Variants in PRKCE observed in about 807,000 individuals in gnomAD.
The protein encoded by PRKCE is protein kinase C epsilon type.
In PRKCE, 16 loss-of-function variants were observed where a neutral mutation model predicts 85.4. The ratio of observed to expected loss-of-function variants is 0.19; its 90% confidence interval spans 0.13 to 0.28. PRKCE has a LOEUF of 0.28. PRKCE is among the 10% of genes least tolerant of loss of function. The pLI is 1.00. For synonymous variants in PRKCE, 388 were observed against 371.5 expected (o/e 1.04, Z -0.51); for missense variants, 573 against 975.2 (o/e 0.59, Z 5.49).
chr2:46,153,996 A>G (rs1676932738), intron 13 of PRKCE, among the ~76,000 whole-genome samples: 1 of 152,008 alleles, frequency 6.6e-6, no homozygotes, highest in Non-Finnish European at 1.5e-5. Flanking sequence ...CGTGTTAGCC[A>G]GGATGGTCTC....
At chr2:46,036,074 G>A (rs977647757) in intron 10 of PRKCE, among the ~76,000 whole-genome samples, 1 of 152,204 alleles carries the variant, frequency 6.6e-6, no homozygotes, top group Admixed American at 6.5e-5. Context: ...TGAAAGAAGT[G>A]GAGGAGCCGG....
chr2:46,041,798 C>T lies in PRKCE; in HGVS notation c.1437+31281C>T, dbSNP rs1388979296. ...ATTCTTTAAGCTGGAGGAATTTGCC[C>T]TAAAACTGTTCTGCACGGCCAACAA... On this transcript the variant is annotated intron_variant, in intron 10 of 14. Transcript: ENST00000306156. This position sits in a 1 kb window ranked among gnomAD's most constrained non-coding sequence, Gnocchi z 5.5. Among the ~76,000 whole-genome samples, 1 of 152,182 alleles carries T rather than the reference C, an allele frequency of 6.6e-6. No individual in the cohort carries two copies. The highest frequency in any genetic ancestry group is 1.5e-5 in the Non-Finnish European group (1 of 68,024).
chr2:45,716,089 C>T (rs1281584549), intron 1 of PRKCE, among the ~76,000 whole-genome samples: 1 of 152,230 alleles, frequency 6.6e-6, no homozygotes, highest in Non-Finnish European at 1.5e-5. Context: ...TGTCTTTCTG[C>T]ACTCGTGTGT....
At chr2:45,717,702 C>T (rs1369153682) in intron 1 of PRKCE, among the ~76,000 whole-genome samples, 2 of 152,328 alleles carry the variant, frequency 1.3e-5, no homozygotes, top group Admixed American at 6.5e-5. Flanking sequence ...ACTTTTTCTT[C>T]TGCCCCTGTT....
chr2:46,048,928 T>C (rs1245217389), intron 10 of PRKCE, among the ~76,000 whole-genome samples: 1 of 152,164 alleles, frequency 6.6e-6, no homozygotes, highest in African/African-American at 2.4e-5. Context: ...CAGTCATGTG[T>C]TGTAATAGTT....
chr2:45,859,683 T>C (rs1692985899), intron 2 of PRKCE, among the ~76,000 whole-genome samples: 1 of 152,254 alleles, frequency 6.6e-6, no homozygotes, highest in African/African-American at 2.4e-5. Flanking sequence ...CAGTCATGTA[T>C]TGCAATATCT....
chr2:45,702,627 A>G lies in PRKCE; in HGVS notation c.348+50179A>G, dbSNP rs1372639979. Among the ~76,000 whole-genome samples the G allele has an allele frequency of 4.6e-5, 7 of 152,292 alleles. 1 individual carries two copies. Among genetic ancestry groups the G allele is most frequent in the African/African-American group, 1.7e-4 (7 of 41,548 alleles). Reference sequence around the variant, plus strand: ...ATTTGTTGAATAACTATTGATTGAGATTTAGTCACTGTTTTACCATAGTGA... The same window carrying G: ...ATTTGTTGAATAACTATTGATTGAGGTTTAGTCACTGTTTTACCATAGTGA... On this transcript the variant is annotated intron_variant, in intron 1 of 14. Transcript: ENST00000306156.
intron 11 of PRKCE, among the ~76,000 whole-genome samples, chr2:46,135,107 T>C (rs903274770): frequency 6.6e-6 from 1 of 152,152 alleles, no homozygotes; most frequent in African/African-American, 2.4e-5. Flanking sequence ...AACCGAGATG[T>C]TGTTTGACAC....
chr2:45,890,991 G>C (rs1341259830), intron 2 of PRKCE, among the ~76,000 whole-genome samples: 1 of 152,214 alleles, frequency 6.6e-6, no homozygotes, highest in Non-Finnish European at 1.5e-5. Context: ...CGCTTGCTTT[G>C]TCTGCTCAGC....
intron 2 of PRKCE, among the ~76,000 whole-genome samples, chr2:45,876,534 C>T (rs985198345): frequency 6.6e-6 from 1 of 152,196 alleles, no homozygotes; most frequent in Admixed American, 6.5e-5. Flanking sequence ...GGGGGTAAAT[C>T]CCACTTTTTA....
chr2:46,109,315 C>T (rs747557854), intron 11 of PRKCE, among the ~76,000 whole-genome samples: 29 of 152,106 alleles, frequency 1.9e-4, no homozygotes, highest in Admixed American at 1.1e-3. Flanking sequence ...ATTGAAGCTT[C>T]TAATCCATGA....
intron 2 of PRKCE, among the ~76,000 whole-genome samples, chr2:45,898,855 G>A (rs1358605016): frequency 6.6e-6 from 1 of 152,224 alleles, no homozygotes; most frequent in Non-Finnish European, 1.5e-5. Context: ...AGGGACTTCT[G>A]TGAAGGACCC....
intron 2 of PRKCE, among the ~76,000 whole-genome samples, chr2:45,948,765 G>A (rs1700412478): frequency 6.6e-6 from 1 of 152,124 alleles, no homozygotes; most frequent in Admixed American, 6.5e-5. Context: ...TGAAGTTGGT[G>A]TTTAGCTCAT....
rs74627971 is a variant in PRKCE, at chr2:45,656,452, A to G, written c.348+4004A>G. 7.4e-3 allele frequency among the ~76,000 whole-genome samples: 1,126 copies of G among 152,356 alleles called. 7 individuals carry two copies. Among genetic ancestry groups the G allele is most frequent in the African/African-American group, 0.026 (1,069 of 41,586 alleles). Reference sequence around the variant, plus strand: ...AATGAGAGATGTTTCAGTTGTGATGACAAAGGAGGTTGCTTTAGAGAAAGC... The same window carrying G: ...AATGAGAGATGTTTCAGTTGTGATGGCAAAGGAGGTTGCTTTAGAGAAAGC... On this transcript the variant is annotated intron_variant, in intron 1 of 14. Transcript: ENST00000306156.
chr2:45,731,617 ATT>A (rs11329717), intron 1 of PRKCE, among the ~76,000 whole-genome samples: 2,695 of 108,614 alleles, frequency 0.025, 55 homozygotes, highest in African/African-American at 0.082. Context: ...AATTCCTGGA[ATT>A]TTTTTTTTTT....
chr2:45,802,110 A>C lies in PRKCE; in HGVS notation c.349-40890A>C, dbSNP rs180768760. On this transcript the variant is annotated intron_variant, in intron 1 of 14. Coordinates refer to ENST00000306156, the MANE Select transcript of PRKCE (RefSeq NM_005400.3). ...AAAAAAAAAAAAAAAAAAACACCCA[A>C]AAACTTAGCAGGGTGTGGGCATGGT... Among the ~76,000 whole-genome samples the C allele has an allele frequency of 5.8e-3, 886 of 151,678 alleles. 2 individuals carry two copies. Among genetic ancestry groups the C allele is most frequent in the Non-Finnish European group, 9.4e-3 (641 of 67,898 alleles).
chr2:45,891,825 AT>A (rs1695744305), intron 2 of PRKCE, among the ~76,000 whole-genome samples: 1 of 152,092 alleles, frequency 6.6e-6, no homozygotes, highest in South Asian at 2.1e-4. Context: ...TTGCTTTTCT[AT>A]TCCCATAGCA....
At chr2:45,938,520 C>T (rs1268247582) in intron 2 of PRKCE, among the ~76,000 whole-genome samples, 1 of 152,146 alleles carries the variant, frequency 6.6e-6, no homozygotes, top group African/African-American at 2.4e-5. Context: ...TGTTGTGTCC[C>T]TTTCAACATT....
chr2:45,919,422 G>C (rs990793386), intron 2 of PRKCE, among the ~76,000 whole-genome samples: 1 of 152,256 alleles, frequency 6.6e-6, no homozygotes, highest in African/African-American at 2.4e-5. Context: ...AGTGGTATTT[G>C]CCTTCTGCCC....
Sources: gnomAD v4.1 joint callset for allele counts (sites outside exome capture counted in the v4.1 genomes callset) on GRCh38, gnomAD v4.1.1 for gene constraint, Gnocchi (gnomAD v3.1) non-coding constraint, MANE v1.5 for transcripts, NCBI Gene and HGNC (gene_info 2026-07-23, HGNC 2026-07-21) for gene names.